Variants in DAB1 observed in about 807,000 individuals in gnomAD.
The protein encoded by DAB1 is disabled homolog 1.
In DAB1, 15 loss-of-function variants were observed where a neutral mutation model predicts 64.6. The observed-to-expected ratio is 0.23, with a 90% CI of 0.16 to 0.36. The LOEUF is 0.36. DAB1 is among the 10% of genes least tolerant of loss of function. The pLI, the probability that DAB1 is intolerant of heterozygous loss-of-function variation, is 1.00. For synonymous variants in DAB1, 235 were observed against 251.9 expected (o/e 0.93, Z 0.64); for missense variants, 596 against 706.7 (o/e 0.84, Z 1.78).
rs111236568 is a variant in DAB1, at chr1:57,765,955, C to T, written n.552-116290G>A. 6.3e-3 allele frequency among the ~76,000 whole-genome samples: 962 copies of T among 152,102 alleles called. 14 individuals are homozygous for T. The highest frequency in any genetic ancestry group is 0.022 in the African/African-American group (916 of 41,532). Reference sequence around the variant, plus strand: ...CAGTACTCCTTCTTAGTCTCATTTGCAGGTTCCTCCCACATTCCCCAACCT... The same window carrying T: ...CAGTACTCCTTCTTAGTCTCATTTGTAGGTTCCTCCCACATTCCCCAACCT... On this transcript the variant is annotated intron_variant and non_coding_transcript_variant, in intron 6 of 20. Transcript: ENST00000485760.
In DAB1 at chr1:56,995,573, T is replaced by C. The variant is rs560092734; in HGVS notation, c.*2571A>G. On this transcript the variant is annotated 3_prime_UTR_variant, in exon 15 of 15. Coordinates refer to ENST00000371236, the MANE Select transcript of DAB1 (RefSeq NM_001365792.1). Reference sequence around the variant, plus strand: ...ATTCTCCTGGACTTTCACCTTCTGCTAGGAAATTAACTCCAGATGGTATAC... The same window carrying C: ...ATTCTCCTGGACTTTCACCTTCTGCCAGGAAATTAACTCCAGATGGTATAC... 2 of 152,324 alleles carry C rather than the reference T, an allele frequency of 1.3e-5. No individual in the cohort carries two copies. Among genetic ancestry groups the C allele is most frequent in the South Asian group, 2.1e-4 (1 of 4,822 alleles). 9.4% of individuals were successfully genotyped at this position (152,324 alleles called of 1,614,324 possible). A position where few individuals can be genotyped will look rare whatever the true frequency, so the allele number is the denominator to read the frequency against.
intron 4 of DAB1, among the ~76,000 whole-genome samples, chr1:58,335,124 GA>G (rs1663082025): frequency 6.6e-6 from 1 of 152,186 alleles, no homozygotes; most frequent in African/African-American, 2.4e-5. Flanking sequence ...AAGCCCTCTT[GA>G]AAGGAACATT....
intron 3 of DAB1, among the ~76,000 whole-genome samples, chr1:58,381,369 A>G (rs1401192421): frequency 6.6e-6 from 1 of 152,222 alleles, no homozygotes; most frequent in East Asian, 1.9e-4. Flanking sequence ...TTTTAAGACT[A>G]TGATGAGGGT....
intron 3 of DAB1, among the ~76,000 whole-genome samples, chr1:58,489,096 C>A (rs1439077834): frequency 6.6e-6 from 1 of 152,166 alleles, no homozygotes; most frequent in African/African-American, 2.4e-5. Context: ...CCAGTGGGTG[C>A]AGGACAGTCG....
At chr1:57,752,670 A>C (rs926836722) in intron 6 of DAB1, among the ~76,000 whole-genome samples, 5 of 152,156 alleles carry the variant, frequency 3.3e-5, no homozygotes, top group African/African-American at 7.2e-5. Context: ...TAGATTTTGG[A>C]GTTTGAGAGC....
chr1:58,357,028 A>G (rs1241414725), intron 3 of DAB1, among the ~76,000 whole-genome samples: 1 of 36,740 alleles, frequency 2.7e-5, no homozygotes, highest in African/African-American at 5.0e-5. Context: ...CCTGTCTCCA[A>G]AAAAAAAAAA....
chr1:57,234,833 A>G (rs1421628442), intron 2 of DAB1, among the ~76,000 whole-genome samples: 1 of 152,226 alleles, frequency 6.6e-6, no homozygotes, highest in Non-Finnish European at 1.5e-5. Context: ...TGAGGTCCCC[A>G]TTCCTTGCTG....
intron 1 of DAB1, among the ~76,000 whole-genome samples, chr1:57,402,490 A>AT (rs1035703007): frequency 1.3e-5 from 2 of 152,200 alleles, no homozygotes; most frequent in Non-Finnish European, 2.9e-5. Context: ...AATTACACCC[A>AT]TAAGTCCCAA....
At chr1:57,346,825 T>C (rs1678148058) in intron 1 of DAB1, among the ~76,000 whole-genome samples, 1 of 152,212 alleles carries the variant, frequency 6.6e-6, no homozygotes, top group Non-Finnish European at 1.5e-5. Context: ...TTAAGTCTCA[T>C]TACTCCATAC....
chr1:57,803,317 C>T (rs1287001789), intron 6 of DAB1, among the ~76,000 whole-genome samples: 3 of 152,176 alleles, frequency 2.0e-5, no homozygotes, highest in African/African-American at 7.2e-5. Flanking sequence ...GGAAGCTACC[C>T]TGCAGGGGAT....
intron 2 of DAB1, among the ~76,000 whole-genome samples, chr1:57,153,171 G>A (rs1000164750): frequency 4.6e-5 from 7 of 152,068 alleles, no homozygotes; most frequent in African/African-American, 1.4e-4. Flanking sequence ...GATTACAGGC[G>A]TACGCCACCA....
At chr1:57,893,448 G>A (rs932013938) in intron 5 of DAB1, among the ~76,000 whole-genome samples, 3 of 152,148 alleles carry the variant, frequency 2.0e-5, no homozygotes, top group African/African-American at 7.2e-5. Flanking sequence ...TCAGTGTACT[G>A]TGTACTTTTC....
chr1:57,542,496 G>C (rs576042920), intron 7 of DAB1, among the ~76,000 whole-genome samples: 1 of 150,146 alleles, frequency 6.7e-6, no homozygotes, highest in Non-Finnish European at 1.5e-5. Flanking sequence ...GTGAAAATGA[G>C]GGCATTCCAA....
chr1:58,498,054 C>A lies in DAB1; in HGVS notation n.257+8006G>T, dbSNP rs186355326. ...TTATTTTCTCCTCCCCTATAAGGCC[C>A]TGATATCTGGGCTTTATATCAAAAT... On this transcript the variant is annotated intron_variant and non_coding_transcript_variant, in intron 3 of 20. Coordinates refer to the DAB1 transcript ENST00000485760. 3.6e-3 allele frequency among the ~76,000 whole-genome samples: 555 copies of A among 152,128 alleles called. 4 individuals are homozygous for A. The highest frequency in any genetic ancestry group is 0.013 in the African/African-American group (532 of 41,488).
At chr1:57,649,481 A>C (rs960978468) in intron 7 of DAB1, 1 of 152,320 alleles carries the variant, frequency 6.6e-6, no homozygotes, top group Admixed American at 6.5e-5. Flanking sequence ...GAAGGAATAC[A>C]AAATACAAAA....
In DAB1 at chr1:58,173,750, G is replaced by A. The variant is rs114992328; in HGVS notation, n.310-23162C>T. Among the ~76,000 whole-genome samples the A allele has an allele frequency of 3.7e-3, 557 of 152,216 alleles. 4 individuals carry two copies. Among genetic ancestry groups the A allele is most frequent in the African/African-American group, 0.013 (523 of 41,538 alleles). On this transcript the variant is annotated intron_variant and non_coding_transcript_variant, in intron 4 of 20. Transcript: ENST00000485760. ...GAAGTATATTCTTCTTATGTGGAAC[G>A]TCAACCTGTATCTGCCTCCCTACTA...
intron 5 of DAB1, among the ~76,000 whole-genome samples, chr1:58,135,608 T>C (rs1270929992): frequency 6.6e-6 from 1 of 152,172 alleles, no homozygotes; most frequent in Non-Finnish European, 1.5e-5. Context: ...TGTTGTGTGG[T>C]ACTGAGGTTT....
Position 58,288,139 on chromosome 1 carries a change from A to G in DAB1, n.309+55213T>C, listed in dbSNP as rs574127330. ...CATCTCTGAGGTCTCAACACCTCAA[A>G]TAGTATACACAAAGAACAAATATTT... On this transcript the variant is annotated intron_variant and non_coding_transcript_variant, in intron 4 of 20. Coordinates refer to the DAB1 transcript ENST00000485760. 7.9e-5 allele frequency among the ~76,000 whole-genome samples: 12 copies of G among 152,306 alleles called. No individual in the cohort carries two copies. In the South Asian group the frequency reaches 2.1e-3, roughly 26 times the overall value.
At chr1:57,606,363 A>G (rs1645637094) in intron 7 of DAB1, among the ~76,000 whole-genome samples, 1 of 75,088 alleles carries the variant, frequency 1.3e-5, no homozygotes, top group African/African-American at 4.3e-5. Flanking sequence ...TCAGTCAGTC[A>G]TCCATTCTAA....
Sources: allele counts gnomAD v4.1 joint callset (sites outside exome capture counted in the v4.1 genomes callset), GRCh38; gene constraint gnomAD v4.1.1; transcripts MANE v1.5; gene names NCBI Gene and HGNC (gene_info 2026-07-23, HGNC 2026-07-21).